The following NCOA1 variants were observed in gnomAD, a reference collection of about 807,000 sequenced individuals.
NCOA1 encodes the protein Hin-2 protein.
NCOA1 carries 35 observed loss-of-function variants against 150.9 expected under a neutral mutation model. The observed-to-expected ratio is 0.23, with a 90% CI of 0.18 to 0.31. The LOEUF is 0.31. Among genes scored for constraint, NCOA1 ranks in the 10% least tolerant of loss-of-function variants. The pLI is 1.00. For missense variants in NCOA1, 1,491 were observed against 1,749.3 expected (o/e 0.85, Z 2.63); for synonymous variants, 590 against 630.0 (o/e 0.94, Z 0.95).
Position 24,526,526 on chromosome 2 carries a change from G to A in NCOA1, c.-396+34924G>A, listed in dbSNP as rs572283414. Among the ~76,000 whole-genome samples, 88 of 151,636 alleles carry A rather than the reference G, an allele frequency of 5.8e-4. 1 individual carries two copies. Among genetic ancestry groups the A allele is most frequent in the Admixed American group, 1.4e-3 (22 of 15,224 alleles). ...GTCTCGACCTTTTTTAAAAAAAATA[G>A]GCTATCATTTTTACTAAGATTGTGG... On this transcript the variant is annotated intron_variant, in intron 1 of 22. Coordinates refer to ENST00000348332, the MANE Select transcript of NCOA1 (RefSeq NM_003743.5).
intron 1 of NCOA1, among the ~76,000 whole-genome samples, chr2:24,525,407 G>T (rs1664604884): frequency 6.6e-6 from 1 of 152,164 alleles, no homozygotes; most frequent in Non-Finnish European, 1.5e-5. Context: ...AACAAGGGTG[G>T]CATATTAAGG....
intron 3 of NCOA1, among the ~76,000 whole-genome samples, chr2:24,586,298 A>G (rs2148322301): frequency 6.6e-6 from 1 of 151,464 alleles, no homozygotes; most frequent in East Asian, 1.9e-4. Flanking sequence ...AAAAAAAAAA[A>G]AAAATTAGCT....
At chr2:24,642,839 A>G (rs1193044458) in intron 3 of NCOA1, among the ~76,000 whole-genome samples, 1 of 152,236 alleles carries the variant, frequency 6.6e-6, no homozygotes, top group South Asian at 2.1e-4. Context: ...TCTCAAGGGC[A>G]TTATGCTGAG....
chr2:24,759,034 T>C (rs180756001), intron 21 of NCOA1, among the ~76,000 whole-genome samples: 78 of 152,272 alleles, frequency 5.1e-4, no homozygotes, highest in African/African-American at 1.8e-3. Flanking sequence ...TATATTGTCT[T>C]GGAATATTCC....
intron 1 of NCOA1, among the ~76,000 whole-genome samples, chr2:24,537,354 T>A (rs1349526697): frequency 6.6e-6 from 1 of 152,048 alleles, no homozygotes; most frequent in Non-Finnish European, 1.5e-5. Context: ...GACATTATGC[T>A]AAGTGAAGTA....
rs759544243 is a variant in NCOA1, at chr2:24,658,775, A to G, written c.89+9A>G. On this transcript the variant is annotated intron_variant, in intron 5 of 22. Transcript: ENST00000348332. ...GACACACTGGCATCAAGGTAGGAACACTCCTCTTAGTCTATTTTTGGCAGA... is the reference window on the plus strand; with the variant it reads ...GACACACTGGCATCAAGGTAGGAACGCTCCTCTTAGTCTATTTTTGGCAGA... 1.2e-6 allele frequency: 2 copies of G among 1,612,994 alleles called. No individual in the cohort carries two copies. The highest frequency in any genetic ancestry group is 2.2e-5 in the South Asian group (2 of 91,014).
intron 11 of NCOA1, among the ~76,000 whole-genome samples, chr2:24,699,029 T>C (rs980907839): frequency 2.0e-5 from 3 of 152,196 alleles, no homozygotes; most frequent in Admixed American, 6.5e-5. Context: ...AGAATCTGTA[T>C]TTTTTAAAAG....
At chr2:24,691,385 T>C (rs1431098994) in intron 8 of NCOA1, 96 bp from the exon 9 acceptor site, 6 of 1,110,540 alleles carry the variant, frequency 5.4e-6, no homozygotes, top group Non-Finnish European at 7.9e-6. Flanking sequence ...TCTGAGTATC[T>C]AATTAAGCAG....
intron 1 of NCOA1, among the ~76,000 whole-genome samples, chr2:24,542,617 T>C (rs7586018): frequency 0.84 from 127,977 of 152,090 alleles, 54,708 homozygotes; most frequent in East Asian, 0.99. Context: ...AGCATTGGTT[T>C]TGGGCTTGGA....
Position 24,693,304 on chromosome 2 carries a change from T to C in NCOA1, c.765T>C (p.Ala255=). ...CACGGCGATTACCTCGGCCTCCAGCTATTACGGGTGTAGAATCCTTTATGA... is the reference window on the plus strand; with the variant it reads ...CACGGCGATTACCTCGGCCTCCAGCCATTACGGGTGTAGAATCCTTTATGA... The part of the protein sequence containing the change: ...CIARRLPRPP[A]ITGVESFMTK... The change falls in exon 10 of 23, where the codon GCT becomes GCC. Residue 255 remains alanine (A), a synonymous_variant. Coordinates refer to ENST00000348332, the MANE Select transcript of NCOA1 (RefSeq NM_003743.5). 2 of 1,614,234 alleles carry C rather than the reference T, an allele frequency of 1.2e-6. No homozygotes were observed. The highest frequency in any genetic ancestry group is 1.7e-6 in the Non-Finnish European group (2 of 1,180,038).
At chr2:24,765,320 G>C (rs985667637) in intron 22 of NCOA1, among the ~76,000 whole-genome samples, 1 of 148,714 alleles carries the variant, frequency 6.7e-6, no homozygotes, top group African/African-American at 2.5e-5. Flanking sequence ...TGGCTAACAC[G>C]GTGAAACCGT....
chr2:24,665,701 A>C, intron 5 of NCOA1, 48 bp from the exon 6 acceptor site: 1 of 1,381,156 alleles, frequency 7.2e-7, no homozygotes, highest in Non-Finnish European at 9.6e-7. Context: ...CAGAGAAGGA[A>C]ATATGGTGAT....
chr2:24,665,723 C>T, intron 5 of NCOA1, 26 bp from the exon 6 acceptor site: 7 of 1,476,354 alleles, frequency 4.7e-6, no homozygotes, highest in Non-Finnish European at 6.3e-6. Flanking sequence ...CAAATGTACA[C>T]TAACTGGATT....
chr2:24,641,560 G>C (rs559972252), intron 3 of NCOA1, among the ~76,000 whole-genome samples: 1 of 152,042 alleles, frequency 6.6e-6, no homozygotes, highest in Non-Finnish European at 1.5e-5. Flanking sequence ...ATTATGTTTG[G>C]TTATATGAAA....
intron 5 of NCOA1, among the ~76,000 whole-genome samples, chr2:24,665,248 T>G (rs984757542): frequency 7.2e-5 from 11 of 152,242 alleles, no homozygotes; most frequent in African/African-American, 2.7e-4. Context: ...TGGATACTTT[T>G]TTGATGAGGA....
At chr2:24,606,749 CA>C (rs1415621197) in intron 3 of NCOA1, among the ~76,000 whole-genome samples, 5 of 152,092 alleles carry the variant, frequency 3.3e-5, no homozygotes, top group African/African-American at 1.2e-4. Context: ...GTCCTCAAGT[CA>C]AAGAAATACC....
chr2:24,743,563 T>C (rs1266714088), intron 19 of NCOA1, among the ~76,000 whole-genome samples: 1 of 152,258 alleles, frequency 6.6e-6, no homozygotes, highest in Admixed American at 6.5e-5. Context: ...TTTAATTATA[T>C]GGTTGCCTGA....
At chr2:24,587,226 T>G (rs1667451511) in intron 3 of NCOA1, among the ~76,000 whole-genome samples, 1 of 152,138 alleles carries the variant, frequency 6.6e-6, no homozygotes, top group Non-Finnish European at 1.5e-5. Context: ...GCCATGTGTG[T>G]CTGCTGCCTA....
At position 24,706,996 on chromosome 2, in the gene NCOA1, C is replaced by T; in HGVS notation, c.1526C>T (p.Pro509Leu). The change falls in exon 13 of 23, where the codon CCT (proline) becomes CTT (leucine). Residue 509 changes from proline (P) to leucine (L), a missense_variant. By Grantham distance (98) the Pro-to-Leu change is moderately conservative. Around this residue, in one of 8 missense-constraint regions of NCOA1, gnomAD observed 703 missense variants for 717.7 expected, o/e 0.98. Transcript: ENST00000348332. ...TRPRMPNNSF[P>L]PNISTLSSPV... Reference sequence around the variant, plus strand: ...CCCAGGATGCCAAACAATTCCTTTCCTCCTAATATTTCGACATTAAGCTCT... The same window carrying T: ...CCCAGGATGCCAAACAATTCCTTTCTTCCTAATATTTCGACATTAAGCTCT... 4 of 1,614,158 alleles carry T rather than the reference C, an allele frequency of 2.5e-6. No homozygotes were observed. In the South Asian group the frequency reaches 4.4e-5, roughly 18 times the overall value.
Sources: gnomAD v4.1 joint callset for allele counts (sites outside exome capture counted in the v4.1 genomes callset) on GRCh38, gnomAD v4.1.1 for gene constraint, gnomAD v4.1.1 regional missense constraint, MANE v1.5 for transcripts, NCBI Gene and HGNC (gene_info 2026-07-23, HGNC 2026-07-21) for gene names.